Variants in FGD2 observed in about 807,000 individuals in gnomAD.
FGD2 encodes the protein FYVE, RhoGEF and PH domain containing 2.
Under a neutral mutation model 75.9 loss-of-function variants are expected in FGD2, and 52 were observed. The ratio of observed to expected loss-of-function variants is 0.69; its 90% CI spans 0.55 to 0.86. The LOEUF is 0.86. FGD2 is among the 40% of genes least tolerant of loss of function. FGD2 has a pLI of 0.00. For synonymous variants in FGD2, 347 were observed against 348.6 expected, an observed-to-expected ratio of 1.00 and a Z score of 0.05; for missense variants, 790 against 872.0, an observed-to-expected ratio of 0.91 and a Z score of 1.18.
chr6:37,009,278 C>A (rs943228911), intron 2 of FGD2: 15 of 524,296 alleles, frequency 2.9e-5, no homozygotes, highest in Non-Finnish European at 5.0e-5. Context: ...CTTCGCGAGT[C>A]CCTCGTGTAG....
At position 37,021,562 on chromosome 6, in the gene FGD2, G is replaced by C; in HGVS notation, c.1284G>C (p.Lys428Asn). The C allele has an allele frequency of 6.2e-7, 1 of 1,614,088 alleles. No homozygotes were observed. Among genetic ancestry groups the C allele is most frequent in the African/African-American group, 1.3e-5 (1 of 75,050 alleles). Reference protein sequence around the residue: ...DQIEKRNETFKAAAQGPEGDI... With the variant: ...DQIEKRNETFNAAAQGPEGDI... ...TCGAGAAGCGGAATGAAACCTTCAA[G>C]GCTGCGGCCCAGGGGCCTGAGGGAG... The change falls in exon 12 of 16, where the codon AAG becomes AAC. Residue 428 changes from lysine to asparagine, a missense_variant. Coordinates refer to ENST00000274963, the MANE Select transcript of FGD2 (RefSeq NM_173558.4).
rs757664055 is a variant in FGD2, at chr6:37,013,700, G to C, written c.619G>C (p.Ala207Pro). 14 of 1,613,926 alleles carry C rather than the reference G, an allele frequency of 8.7e-6. No homozygotes were observed. In the South Asian group the frequency reaches 1.5e-4, roughly 18 times the overall value. Residue 207 changes from alanine (A) to proline (P), a missense_variant, in exon 5 of 16, where the codon GCT becomes CCT. Coordinates refer to ENST00000274963, the MANE Select transcript of FGD2 (RefSeq NM_173558.4). ...SEYVKNFERA[A>P]ELLATWTDKS... is the part of the protein sequence containing the mutation. ...GTATGTCAAGAACTTTGAGCGAGCG[G>C]CTGAGCTGCTGGCCACCTGGACCGA...
Position 37,010,868 on chromosome 6 carries a change from A to C in FGD2, c.301-105A>C, listed in dbSNP as rs919615136. 21 of 1,118,186 alleles carry C rather than the reference A, an allele frequency of 1.9e-5. No individual in the cohort carries two copies. The African/African-American group carries it at 3.1e-4, about 16-fold the overall frequency. 69.3% of individuals were successfully genotyped at this position (1,118,186 alleles called of 1,614,324 possible). ...CGGGAGGCCATGAATCCCGGGAGGC[A>C]TGCTTCACTGCAGCAACTTTGGAGA... On this transcript the variant is annotated intron_variant, in intron 2 of 15. Coordinates refer to ENST00000274963, the MANE Select transcript of FGD2 (RefSeq NM_173558.4).
chr6:37,014,569 T>C, intron 6 of FGD2, 77 bp from the exon 7 acceptor site: 1 of 1,558,888 alleles, frequency 6.4e-7, no homozygotes, highest in African/African-American at 1.3e-5. Context: ...GGGCCCTTTG[T>C]TGAACTTCAA....
At chr6:37,027,171 GC>G (rs1489747612) in intron 14 of FGD2, among the ~76,000 whole-genome samples, 4 of 152,152 alleles carry the variant, frequency 2.6e-5, no homozygotes, top group African/African-American at 9.7e-5. Context: ...GCAGCTCCAG[GC>G]ACCCTCCCGG....
rs1372350594 is a variant in FGD2 at position 37,027,584 on chromosome 6, A to C, written c.1752+9A>C. On this transcript the variant is annotated intron_variant, in intron 15 of 15. Transcript: ENST00000274963. Reference sequence around the variant, plus strand: ...TCTATGCTGCCCCTCAGGTAAGGCCACCACCTGCCCGCCCCCCGTCAGGCC... The same window carrying C: ...TCTATGCTGCCCCTCAGGTAAGGCCCCCACCTGCCCGCCCCCCGTCAGGCC... 3.1e-6 allele frequency: 5 copies of C among 1,613,666 alleles called. No individual in the cohort carries two copies. The highest frequency in any genetic ancestry group is 4.2e-6 in the Non-Finnish European group (5 of 1,179,882).
intron 12 of FGD2, chr6:37,021,958 G>A (rs2150781600): frequency 2.0e-6 from 1 of 506,178 alleles, no homozygotes; most frequent in Non-Finnish European, 3.5e-6. Context: ...GGATATCTGT[G>A]GTTTGAGTTC....
At chr6:37,017,016 C>T (rs796518527) in intron 9 of FGD2, among the ~76,000 whole-genome samples, 11 of 152,220 alleles carry the variant, frequency 7.2e-5, no homozygotes, top group African/African-American at 2.4e-4. Context: ...AGGTGGTCTT[C>T]GCCTAGCAAA....
At position 37,027,548 on chromosome 6, in the gene FGD2, C is replaced by T. The variant is rs201917515; in HGVS notation, c.1725C>T (p.Leu575=). 3.3e-5 allele frequency: 53 copies of T among 1,614,002 alleles called. No homozygotes were observed. Among genetic ancestry groups the T allele is most frequent in the Non-Finnish European group, 4.3e-5 (51 of 1,180,020 alleles). The change falls in exon 15 of 16, where the codon CTC becomes CTT. Residue 575 remains leucine, a synonymous_variant. Coordinates refer to ENST00000274963, the MANE Select transcript of FGD2 (RefSeq NM_173558.4). The stretch of plus-strand genomic sequence containing the variant: ...GTGTGATCCCTCGGGATGACCCCCT[C>T]GTGCTCTATGTCTATGCTGCCCCTC... ...GWCVIPRDDP[L]VLYVYAAPQD...
rs1236824426 is a variant in FGD2, at chr6:37,009,075, G to C, written c.300+10G>C. ...AGGATCGGGGACGCAGGTGCCTGAG[G>C]GCTGAGGTAGAGGTGTGGGGTGCTG... is the stretch of plus-strand genomic sequence containing the variant. On this transcript the variant is annotated intron_variant, in intron 2 of 15. Coordinates refer to ENST00000274963, the MANE Select transcript of FGD2 (RefSeq NM_173558.4). 6.2e-7 allele frequency: 1 copy of C among 1,612,686 alleles called. No individual in the cohort carries two copies. Among genetic ancestry groups the C allele is most frequent in the Admixed American group, 1.7e-5 (1 of 59,924 alleles).
chr6:37,028,004 C>T lies in FGD2; in HGVS notation c.1809C>T (p.Pro603=). The change falls in exon 16 of 16, where the codon CCC becomes CCT. Residue 603 remains proline (P), a synonymous_variant. Transcript: ENST00000274963. The part of the protein sequence containing the change: ...PLLGYQVTVG[P]QGDPRVFQLQ... ...TGGGCTACCAGGTGACTGTTGGGCCCCAGGGGGACCCTCGGGTCTTCCAGC... is the reference window on the plus strand; with the variant it reads ...TGGGCTACCAGGTGACTGTTGGGCCTCAGGGGGACCCTCGGGTCTTCCAGC... The T allele has an allele frequency of 6.2e-7, 1 of 1,614,098 alleles. No homozygotes were observed. The highest frequency in any genetic ancestry group is 8.5e-7 in the Non-Finnish European group (1 of 1,180,036).
intron 2 of FGD2, among the ~76,000 whole-genome samples, chr6:37,010,279 C>A (rs1289128653): frequency 6.6e-6 from 1 of 152,184 alleles, no homozygotes; most frequent in Non-Finnish European, 1.5e-5. Context: ...TTGAAGACAG[C>A]CACTTTTTCA....
At chr6:37,019,354 A>T (rs931243988) in intron 9 of FGD2, among the ~76,000 whole-genome samples, 1 of 152,160 alleles carries the variant, frequency 6.6e-6, no homozygotes, top group Non-Finnish European at 1.5e-5. Context: ...TCCAAATCAC[A>T]TCAGCCCCTT....
At chr6:37,022,671 TG>T (rs1415268242) in intron 13 of FGD2, 3 of 314,690 alleles carry the variant, frequency 9.5e-6, no homozygotes, top group Non-Finnish European at 1.8e-5. Flanking sequence ...GGCCTCCACC[TG>T]CCCCACCTTG....
At chr6:37,010,080 G>T (rs1764936972) in intron 2 of FGD2, 1 of 151,752 alleles carries the variant, frequency 6.6e-6, no homozygotes, top group African/African-American at 2.4e-5. Flanking sequence ...TTTGTGAGTT[G>T]ACTGGGATGC....
rs771971855 is a variant in FGD2, at chr6:37,015,868, G to A, written c.1122+8G>A. On this transcript the variant is annotated splice_region_variant and intron_variant, in intron 9 of 15. Coordinates refer to ENST00000274963, the MANE Select transcript of FGD2 (RefSeq NM_173558.4). ...GATGTGGCCGGGATGAAGGTAAGAGGCCCCCTAAACACCACTGGGCTCCAC... is the reference window on the plus strand; with the variant it reads ...GATGTGGCCGGGATGAAGGTAAGAGACCCCCTAAACACCACTGGGCTCCAC... 14 of 1,567,914 alleles carry A rather than the reference G, an allele frequency of 8.9e-6. No homozygotes were observed. In the South Asian group the frequency reaches 1.6e-4, roughly 18 times the overall value.
chr6:37,014,246 G>A, intron 6 of FGD2, 146 bp downstream of exon 6: 1 of 1,019,976 alleles, frequency 9.8e-7, no homozygotes, highest in Admixed American at 2.9e-5. Context: ...CATACCATTA[G>A]CCATTTTTCA....
chr6:37,005,900 G>A lies in FGD2; in HGVS notation c.68+15G>A, dbSNP rs1159673273. ...GAGAATAGCAGGTATGGGCAGCTGG[G>A]GTGGGAGGGTCACCATGGTGGGCTG... On this transcript the variant is annotated intron_variant, in intron 1 of 15. Transcript: ENST00000274963. 3 of 1,612,440 alleles carry A rather than the reference G, an allele frequency of 1.9e-6. No homozygotes were observed. Among genetic ancestry groups the A allele is most frequent in the Non-Finnish European group, 1.7e-6 (2 of 1,179,646 alleles).
intron 13 of FGD2, 23 bp downstream of exon 13, chr6:37,022,393 C>T (rs1188571917): frequency 6.5e-7 from 1 of 1,546,420 alleles, no homozygotes; most frequent in Non-Finnish European, 8.7e-7. Flanking sequence ...GCCAGCACTC[C>T]TGCCTCCACC....
Sources: allele counts gnomAD v4.1 joint callset (sites outside exome capture counted in the v4.1 genomes callset), GRCh38; gene constraint gnomAD v4.1.1; transcripts MANE v1.5; gene names NCBI Gene and HGNC (gene_info 2026-07-23, HGNC 2026-07-21).